The following FNIP2 variants were observed in gnomAD, a reference collection of about 807,000 sequenced individuals.
FNIP2 encodes folliculin interacting protein 2, also known as folliculin-interacting protein 2.
Under a neutral mutation model 108.7 loss-of-function variants are expected in FNIP2, and 32 were observed. The ratio of observed to expected loss-of-function variants is 0.29; its 90% confidence interval spans 0.22 to 0.40. The LOEUF is 0.40. Among genes scored for constraint, FNIP2 ranks in the 10% least tolerant of loss-of-function variants. The pLI is 1.00. For synonymous variants in FNIP2, 480 were observed against 496.7 expected, an observed-to-expected ratio of 0.97 and a Z score of 0.45; for missense variants, 1,202 against 1,381.6, an observed-to-expected ratio of 0.87 and a Z score of 2.06.
chr4:158,851,281 T>G (rs890361106), intron 7 of FNIP2, 40 bp from the exon 8 acceptor site: 1 of 1,610,800 alleles, frequency 6.2e-7, no homozygotes, highest in African/African-American at 1.3e-5. Flanking sequence ...ACATGAGGAC[T>G]AATTGACCTC....
At chr4:158,853,373 A>G (rs1002767569) in intron 8 of FNIP2, among the ~76,000 whole-genome samples, 1 of 152,138 alleles carries the variant, frequency 6.6e-6, no homozygotes, top group African/African-American at 2.4e-5. Context: ...ACATCTGGAT[A>G]AATTTTTTTT....
intron 14 of FNIP2, among the ~76,000 whole-genome samples, chr4:158,874,540 G>T (rs183887965): frequency 1.2e-4 from 17 of 146,190 alleles, no homozygotes; most frequent in Non-Finnish European, 2.5e-4. Flanking sequence ...TGTAGTCCCA[G>T]CTACTCAGGA....
intron 16 of FNIP2, among the ~76,000 whole-genome samples, chr4:158,900,620 G>C (rs561966534): frequency 1.3e-5 from 2 of 152,118 alleles, no homozygotes; most frequent in South Asian, 4.2e-4. Flanking sequence ...GATCTTTGTT[G>C]GTTTAAAGTC....
At chr4:158,792,795 G>A (rs554118724) in intron 1 of FNIP2, among the ~76,000 whole-genome samples, 4 of 152,188 alleles carry the variant, frequency 2.6e-5, no homozygotes, top group Non-Finnish European at 5.9e-5. Context: ...GCCCTCTGCA[G>A]CACTCTGCAG....
intron 6 of FNIP2, chr4:158,834,026 G>A (rs1778636118): frequency 1.1e-5 from 5 of 443,018 alleles, no homozygotes; most frequent in South Asian, 2.6e-5. Flanking sequence ...TTTCAAATGC[G>A]GCCAAATCCA....
intron 1 of FNIP2, among the ~76,000 whole-genome samples, chr4:158,771,597 A>G (rs1216282410): frequency 4.6e-5 from 7 of 152,244 alleles, no homozygotes; most frequent in African/African-American, 1.7e-4. Flanking sequence ...AAACCCTTAG[A>G]TTAAAAATCG....
chr4:158,849,943 GA>G (rs1779608798), intron 7 of FNIP2, among the ~76,000 whole-genome samples: 1 of 152,150 alleles, frequency 6.6e-6, no homozygotes, highest in Non-Finnish European at 1.5e-5. Flanking sequence ...TAGATAAAAG[GA>G]AAAGCATCTC....
intron 1 of FNIP2, among the ~76,000 whole-genome samples, chr4:158,810,631 A>C (rs763594937): frequency 8.5e-5 from 13 of 152,294 alleles, no homozygotes; most frequent in South Asian, 4.1e-4. Flanking sequence ...ATAAATCAGC[A>C]ATCTTAATAT....
intron 8 of FNIP2, among the ~76,000 whole-genome samples, chr4:158,854,960 A>G (rs189443842): frequency 4.7e-4 from 72 of 152,318 alleles, no homozygotes; most frequent in African/African-American, 1.7e-3. Flanking sequence ...TAGTATTTCT[A>G]TAATAGGTTT....
intron 1 of FNIP2, among the ~76,000 whole-genome samples, chr4:158,780,190 A>G (rs1358908995): frequency 6.6e-6 from 1 of 151,970 alleles, no homozygotes; most frequent in East Asian, 1.9e-4. Flanking sequence ...CCTGGGTGAC[A>G]GAGGGAGACC....
intron 1 of FNIP2, among the ~76,000 whole-genome samples, chr4:158,793,572 C>T (rs1424546333): frequency 6.6e-6 from 1 of 152,146 alleles, no homozygotes; most frequent in Non-Finnish European, 1.5e-5. Context: ...CCAGAGTTGT[C>T]TTTGTTATAT....
intron 14 of FNIP2, 109 bp from the exon 15 acceptor site, chr4:158,891,337 T>C (rs1408346303): frequency 9.9e-7 from 1 of 1,005,736 alleles, no homozygotes; most frequent in Non-Finnish European, 1.5e-6. Flanking sequence ...TATCCATAAC[T>C]GCCTGGCTGT....
intron 7 of FNIP2, among the ~76,000 whole-genome samples, chr4:158,845,938 G>A (rs149017251): frequency 1.6e-3 from 249 of 152,288 alleles, no homozygotes; most frequent in African/African-American, 5.6e-3. Context: ...AGGAAAAAAG[G>A]AATGTTCTCT....
rs962194435 is a variant in FNIP2 at position 158,895,305 on chromosome 4, C to A, written c.3151-445C>A. ...AATCTGAGCTATTGGGGGAAAAAAA[C>A]AAAAACCATACTGTTTACTAAATTA... On this transcript the variant is annotated intron_variant, in intron 15 of 16. Coordinates refer to ENST00000264433, the MANE Select transcript of FNIP2 (RefSeq NM_020840.3). Among the ~76,000 whole-genome samples, 4 of 152,156 alleles carry A rather than the reference C, an allele frequency of 2.6e-5. No individual in the cohort carries two copies. In the East Asian group the frequency reaches 5.8e-4, roughly 22 times the overall value.
intron 1 of FNIP2, among the ~76,000 whole-genome samples, chr4:158,811,460 C>T (rs964417661): frequency 4.6e-5 from 7 of 152,106 alleles, no homozygotes; most frequent in Admixed American, 3.3e-4. Flanking sequence ...CTTCTCTACC[C>T]TGATTTTATG....
chr4:158,872,678 G>C (rs921716453), intron 14 of FNIP2: 4 of 983,060 alleles, frequency 4.1e-6, no homozygotes, highest in Non-Finnish European at 4.8e-6. Context: ...TCATCATAAT[G>C]AATTTTGCTT....
rs529727865 is a variant in FNIP2 at position 158,771,621 on chromosome 4, T to C, written c.107+2302T>C. On this transcript the variant is annotated intron_variant, in intron 1 of 16. Coordinates refer to ENST00000264433, the MANE Select transcript of FNIP2 (RefSeq NM_020840.3). Reference sequence around the variant, plus strand: ...GATTAAAAATCGAGTATTCCTAACATGAATTTGTATTCTTTAGTGCATTTA... The same window carrying C: ...GATTAAAAATCGAGTATTCCTAACACGAATTTGTATTCTTTAGTGCATTTA... Among the ~76,000 whole-genome samples the C allele has an allele frequency of 7.2e-5, 11 of 152,366 alleles. No individual in the cohort carries two copies. In the East Asian group the frequency reaches 2.1e-3, roughly 29 times the overall value.
Position 158,793,684 on chromosome 4 carries a change from T to C in FNIP2, c.107+24365T>C, listed in dbSNP as rs186036259. ...CTTATGGTTTGGTAAATAGAGGTAA[T>C]GATTCCTCTCAGTTCTGTTTGCATG... On this transcript the variant is annotated intron_variant, in intron 1 of 16. Coordinates refer to ENST00000264433, the MANE Select transcript of FNIP2 (RefSeq NM_020840.3). Among the ~76,000 whole-genome samples the C allele has an allele frequency of 3.9e-5, 6 of 152,302 alleles. No homozygotes were observed. The East Asian group carries it at 1.2e-3, about 29-fold the overall frequency.
At chr4:158,875,541 TGCTC>T (rs1560823686) in intron 14 of FNIP2, among the ~76,000 whole-genome samples, 65 of 141,270 alleles carry the variant, frequency 4.6e-4, no homozygotes, top group African/African-American at 1.0e-3. Flanking sequence ...TATATATATA[TGCTC>T]ATGAATACCT....
Sources: gnomAD v4.1 joint callset for allele counts (sites outside exome capture counted in the v4.1 genomes callset) on GRCh38, gnomAD v4.1.1 for gene constraint, MANE v1.5 for transcripts, NCBI Gene and HGNC (gene_info 2026-07-23, HGNC 2026-07-21) for gene names.